PAGR1: variants seen among roughly 807,000 people sequenced by gnomAD.
The protein encoded by PAGR1 is PAXIP1 associated glutamate rich protein 1, also known as PAXIP1-associated glutamate-rich protein 1.
In PAGR1, 20 loss-of-function variants were observed where a neutral mutation model predicts 22.4. The observed-to-expected ratio is 0.89, with a 90% CI of 0.63 to 1.30. The LOEUF (loss-of-function observed/expected upper bound fraction) is 1.30, where lower values mean the gene tolerates loss of function less well. PAGR1 is among the 50% of genes most tolerant of loss of function. The pLI, the probability that PAGR1 is intolerant of heterozygous loss-of-function variation, is 0.00. For synonymous variants in PAGR1, 161 were observed against 148.3 expected, an observed-to-expected ratio of 1.09 and a Z score of -0.62; for missense variants, 338 against 343.6, an observed-to-expected ratio of 0.98 and a Z score of 0.13.
In PAGR1 at chr16:29,820,903, C is replaced by T. The variant is rs985639248; in HGVS notation, c.*1149C>T. Reference sequence around the variant, plus strand: ...CTGCACTGTCCTGGGGACCTGGGCTCTGGCCTGTCACCTTGAGCTCCAAGA... The same window carrying T: ...CTGCACTGTCCTGGGGACCTGGGCTTTGGCCTGTCACCTTGAGCTCCAAGA... On this transcript the variant is annotated 3_prime_UTR_variant, in exon 3 of 3. Coordinates refer to ENST00000320330, the MANE Select transcript of PAGR1 (RefSeq NM_024516.4). The T allele has an allele frequency of 2.6e-5, 4 of 152,452 alleles. No homozygotes were observed. The highest frequency in any genetic ancestry group is 1.3e-4 in the Admixed American group (2 of 15,282). 9.4% of individuals were successfully genotyped at this position (152,452 alleles called of 1,614,324 possible). A position where few individuals can be genotyped will look rare whatever the true frequency, so the allele number is the denominator to read the frequency against.
chr16:29,819,877 C>T lies in PAGR1; in HGVS notation c.*123C>T, dbSNP rs1167122520. 17 of 1,097,776 alleles carry T rather than the reference C, an allele frequency of 1.5e-5. No homozygotes were observed. In the South Asian group the frequency reaches 2.3e-4, roughly 15 times the overall value. The allele number at this position is 1,097,776 out of a possible 1,614,324, so 68.0% of individuals were successfully genotyped here. On this transcript the variant is annotated 3_prime_UTR_variant, in exon 3 of 3. Coordinates refer to ENST00000320330, the MANE Select transcript of PAGR1 (RefSeq NM_024516.4). ...AGAAACCTCAAGCTCCCAAACAGCA[C>T]GTTGCGGGAAAGAGGAAGAGAGAGT...
chr16:29,818,184 GCCTTT>G (rs1885696554), intron 2 of PAGR1: 1 of 152,180 alleles, frequency 6.6e-6, no homozygotes, highest in Admixed American at 6.6e-5. Flanking sequence ...TCAGAGTCAT[GCCTTT>G]CCTTTTTTCT....
chr16:29,822,087 GTTTTTTT>G lies in PAGR1; in HGVS notation c.*2343_*2349del, dbSNP rs201002535. 7.2e-6 allele frequency among the ~76,000 whole-genome samples: 1 copy of G among 138,468 alleles called. No individual in the cohort carries two copies. The highest frequency in any genetic ancestry group is 1.6e-5 in the Non-Finnish European group (1 of 63,438). The allele number at this position is 138,468 out of a possible 152,430, so 90.8% of individuals were successfully genotyped here. ...TTTGTGTGTGTGTGGTTGGGGTTTTGTTTTTTTTTTTTTTTTAAAGAATTATAGCTCA... is the reference window on the plus strand; with the variant it reads ...TTTGTGTGTGTGTGGTTGGGGTTTTGTTTTTTTTTAAAGAATTATAGCTCA... On this transcript the variant is annotated 3_prime_UTR_variant, in exon 3 of 3. Coordinates refer to ENST00000320330, the MANE Select transcript of PAGR1 (RefSeq NM_024516.4).
rs1298401958 is a variant in PAGR1 at position 29,821,372 on chromosome 16, C to T, written c.*1618C>T. On this transcript the variant is annotated 3_prime_UTR_variant, in exon 3 of 3. Transcript: ENST00000320330. ...GTGGCTGTTTGGGCAGGACAGCCCT[C>T]TGTATGTAGCCTTGAGCAGGTAGGG... The T allele has an allele frequency of 1.3e-5, 2 of 152,210 alleles. No homozygotes were observed. Among genetic ancestry groups the T allele is most frequent in the Non-Finnish European group, 2.9e-5 (2 of 68,062 alleles). The allele number at this position is 152,210 out of a possible 1,614,324, so 9.4% of individuals were successfully genotyped here. A position where few individuals can be genotyped will look rare whatever the true frequency, so the allele number is the denominator to read the frequency against.
At chr16:29,817,136 C>T in intron 1 of PAGR1, 74 bp from the exon 2 acceptor site, 1 of 1,602,638 alleles carries the variant, frequency 6.2e-7, no homozygotes, top group South Asian at 1.1e-5. Flanking sequence ...GGAGGAGGAA[C>T]GGGCAGGGGA....
rs1567384999 is a variant in PAGR1 at position 29,820,420 on chromosome 16, G to T, written c.*666G>T. The stretch of plus-strand genomic sequence containing the variant: ...ACTCCCAAGCCCCACCCCTGGGCTT[G>T]GCCTGCCTTGCCCTGCCGGGAAGTG... On this transcript the variant is annotated 3_prime_UTR_variant, in exon 3 of 3. Coordinates refer to ENST00000320330, the MANE Select transcript of PAGR1 (RefSeq NM_024516.4). 6.6e-6 allele frequency: 1 copy of T among 152,194 alleles called. No homozygotes were observed. Among genetic ancestry groups the T allele is most frequent in the Admixed American group, 6.5e-5 (1 of 15,288 alleles). The allele number at this position is 152,194 out of a possible 1,614,324, so 9.4% of individuals were successfully genotyped here. A position where few individuals can be genotyped will look rare whatever the true frequency, so the allele number is the denominator to read the frequency against.
Position 29,816,269 on chromosome 16 carries a change from CTCCCCCTT to C in PAGR1, c.-252_-245del, listed in dbSNP as rs1900243463. 2 of 412,912 alleles carry C rather than the reference CTCCCCCTT, an allele frequency of 4.8e-6. No homozygotes were observed. Among genetic ancestry groups the C allele is most frequent in the Admixed American group, 7.8e-5 (2 of 25,494 alleles). The allele number at this position is 412,912 out of a possible 1,614,324, so 25.6% of individuals were successfully genotyped here. On this transcript the variant is annotated 5_prime_UTR_variant, in exon 1 of 3. Coordinates refer to ENST00000320330, the MANE Select transcript of PAGR1 (RefSeq NM_024516.4). ...GCGAGAAGAGTGGCCCGTCCCTCTCCTCCCCCTTTCCCTCTTTCGGAAAGTGGTTTCTG... is the reference window on the plus strand; with the variant it reads ...GCGAGAAGAGTGGCCCGTCCCTCTCCTCCCTCTTTCGGAAAGTGGTTTCTG...
In PAGR1 at chr16:29,822,476, T is replaced by TATTCTCACA. The variant is rs1281465984; in HGVS notation, c.*2722_*2723insATTCTCACA. ...TAAAGACTAGAATATTTAACTTAAA[T>TATTCTCACA]CAGTGAGAAACTCTGTGAAGTTGTG... is the stretch of plus-strand genomic sequence containing the variant. On this transcript the variant is annotated 3_prime_UTR_variant, in exon 3 of 3. Transcript: ENST00000320330. The TATTCTCACA allele has an allele frequency of 5.9e-5, 9 of 152,220 alleles. No individual in the cohort carries two copies. The highest frequency in any genetic ancestry group is 2.2e-4 in the African/African-American group (9 of 41,500). 9.4% of individuals were successfully genotyped at this position (152,220 alleles called of 1,614,324 possible).
chr16:29,817,455 C>G (rs1017727109), intron 2 of PAGR1, among the ~76,000 whole-genome samples, 163 bp downstream of exon 2: 1 of 149,872 alleles, frequency 6.7e-6, no homozygotes, highest in Non-Finnish European at 1.5e-5. Context: ...ACTTAGATTA[C>G]TACCTTGTCT....
chr16:29,817,438 C>A, intron 2 of PAGR1, 146 bp downstream of exon 2: 1 of 489,978 alleles, frequency 2.0e-6, no homozygotes, highest in Non-Finnish European at 3.8e-6. Context: ...GTAGCACCAT[C>A]TTTATGACTT....
At chr16:29,817,436 A>C in intron 2 of PAGR1, 144 bp downstream of exon 2, 1 of 631,148 alleles carries the variant, frequency 1.6e-6, no homozygotes, top group East Asian at 3.1e-5. Context: ...CAGTAGCACC[A>C]TCTTTATGAC....
Position 29,819,730 on chromosome 16 carries a change from C to A in PAGR1, c.741C>A (p.Leu247=). 6.2e-7 allele frequency: 1 copy of A among 1,612,148 alleles called. No individual in the cohort carries two copies. Among genetic ancestry groups the A allele is most frequent in the Non-Finnish European group, 8.5e-7 (1 of 1,178,824 alleles). ...SPPLRSSGSS[L]FPRQRKY ...CACTCCGATCCTCCGGGAGTAGTCT[C>A]TTCCCTCGGCAGCGGAAATACTGAT... Residue 247 remains leucine, a synonymous_variant, in exon 3 of 3, where the codon CTC becomes CTA. Transcript: ENST00000320330.
Position 29,816,987 on chromosome 16 carries a change from CA to C in PAGR1, c.465del (p.Glu156LysfsTer20). ...AGAGATCCGATGAGGAGCCGGAGGC[CA>C]AAGAAGAGGAAGAGGAAAAGTAAAG... ...EERSDEEPEA[K>X]EEEEEKPHMP... On this transcript the variant is annotated frameshift_variant, in exon 1 of 3. Coordinates refer to ENST00000320330, the MANE Select transcript of PAGR1 (RefSeq NM_024516.4). LOFTEE classifies it high-confidence loss of function. 1 of 1,567,578 alleles carries C rather than the reference CA, an allele frequency of 6.4e-7. No homozygotes were observed. Among genetic ancestry groups the C allele is most frequent in the Non-Finnish European group, 8.6e-7 (1 of 1,158,820 alleles).
At chr16:29,818,806 A>G (rs924918314) in intron 2 of PAGR1, among the ~76,000 whole-genome samples, 20 of 152,236 alleles carry the variant, frequency 1.3e-4, no homozygotes, top group African/African-American at 4.3e-4. Flanking sequence ...AAAGCTTCCC[A>G]AAGTGCCTGC....
At chr16:29,818,549 T>C (rs1900292982) in intron 2 of PAGR1, 1 of 152,200 alleles carries the variant, frequency 6.6e-6, no homozygotes, top group Admixed American at 6.5e-5. Context: ...ATGAACCTTT[T>C]AAAACATAAA....
At position 29,816,713 on chromosome 16, in the gene PAGR1, G is replaced by T; in HGVS notation, c.188G>T (p.Gly63Val). 6.2e-7 allele frequency: 1 copy of T among 1,609,332 alleles called. No individual in the cohort carries two copies. ...GAGGAGACCGAGCGTGAGGGGTCCG[G>T]GGGCGAGGAGGCGCAGGGAGAAGTC... Reference protein sequence around the residue: ...GREETEREGSGGEEAQGEVPS... With the variant: ...GREETEREGSVGEEAQGEVPS... The change falls in exon 1 of 3, where the codon GGG (glycine) becomes GTG (valine). Residue 63 changes from glycine (G) to valine (V), a missense_variant. Coordinates refer to ENST00000320330, the MANE Select transcript of PAGR1 (RefSeq NM_024516.4).
At position 29,820,179 on chromosome 16, in the gene PAGR1, C is replaced by G. The variant is rs927742196; in HGVS notation, c.*425C>G. 2 of 159,472 alleles carry G rather than the reference C, an allele frequency of 1.3e-5. No homozygotes were observed. The highest frequency in any genetic ancestry group is 2.4e-5 in the African/African-American group (1 of 41,610). The allele number at this position is 159,472 out of a possible 1,614,324, so 9.9% of individuals were successfully genotyped here. On this transcript the variant is annotated 3_prime_UTR_variant, in exon 3 of 3. Transcript: ENST00000320330. Reference sequence around the variant, plus strand: ...ACTTGAAGGGAGAGGCAGAATTGTACTCACCCAGATTGGAAAATGAAAGCC... The same window carrying G: ...ACTTGAAGGGAGAGGCAGAATTGTAGTCACCCAGATTGGAAAATGAAAGCC...
Position 29,819,774 on chromosome 16 carries a change from T to C in PAGR1, c.*20T>C. On this transcript the variant is annotated 3_prime_UTR_variant, in exon 3 of 3. Coordinates refer to ENST00000320330, the MANE Select transcript of PAGR1 (RefSeq NM_024516.4). ...TACTGATTCCCACTGCTCCTGCCTC[T>C]AGGGTGCAGTGTCCGTACCTGCTGG... 6.3e-7 allele frequency: 1 copy of C among 1,598,948 alleles called. No homozygotes were observed. Among genetic ancestry groups the C allele is most frequent in the African/African-American group, 1.3e-5 (1 of 74,834 alleles).
intron 2 of PAGR1, chr16:29,819,342 C>T: frequency 1.7e-6 from 1 of 592,048 alleles, no homozygotes; most frequent in Admixed American, 3.0e-5. Flanking sequence ...CAGTATGTTC[C>T]TCCCTGTTCT....
Sources: allele counts gnomAD v4.1 joint callset (sites outside exome capture counted in the v4.1 genomes callset), GRCh38; gene constraint gnomAD v4.1.1; transcripts MANE v1.5; gene names NCBI Gene and HGNC (gene_info 2026-07-23, HGNC 2026-07-21).